MYLK3: variants seen among roughly 807,000 people sequenced by gnomAD.
MYLK3 encodes MLC kinase.
Under a neutral mutation model 76.3 loss-of-function variants are expected in MYLK3, and 55 were observed. The ratio of observed to expected loss-of-function variants is 0.72; its 90% CI spans 0.58 to 0.90. The LOEUF is 0.90. Among genes scored for constraint, MYLK3 ranks in the 40% least tolerant of loss-of-function variants. The pLI is 0.00. For missense variants in MYLK3, 973 were observed against 1,053.6 expected (o/e 0.92, Z 1.06); for synonymous variants, 416 against 425.4 (o/e 0.98, Z 0.27).
At chr16:46,713,237 AC>A (rs1225617127) in intron 9 of MYLK3, among the ~76,000 whole-genome samples, 1 of 141,376 alleles carries the variant, frequency 7.1e-6, no homozygotes, top group Non-Finnish European at 1.5e-5. Flanking sequence ...TCACTCTGTC[AC>A]CCAAGCTGGA....
intron 12 of MYLK3, 132 bp downstream of exon 12, chr16:46,709,407 G>T: frequency 9.8e-7 from 1 of 1,018,204 alleles, no homozygotes; most frequent in Non-Finnish European, 1.4e-6. Flanking sequence ...GGGCAACAGA[G>T]CAAGACCCTG....
rs1472570752 is a variant in MYLK3 at position 46,730,702 on chromosome 16, C to T, written c.1463-4G>A. 1 of 1,613,718 alleles carries T rather than the reference C, an allele frequency of 6.2e-7. No homozygotes were observed. The highest frequency in any genetic ancestry group is 8.5e-7 in the Non-Finnish European group (1 of 1,179,964). The stretch of plus-strand genomic sequence containing the variant: ...GCTGGTGGGGCCGGACTGTCATCTG[C>T]TCAGGAGGCAATAAGGACCTGTGAG... On this transcript the variant is annotated splice_polypyrimidine_tract_variant and splice_region_variant and intron_variant, in intron 4 of 12. Transcript: ENST00000394809.
At chr16:46,727,135 A>G (rs1392791929) in intron 8 of MYLK3, 101 bp downstream of exon 8, 3 of 1,333,866 alleles carry the variant, frequency 2.2e-6, no homozygotes, top group East Asian at 4.8e-5. Context: ...AGAGCCAGGA[A>G]TGGAAGCTGG....
At chr16:46,754,464 T>A (rs1967171378) in intron 1 of MYLK3, among the ~76,000 whole-genome samples, 1 of 152,078 alleles carries the variant, frequency 6.6e-6, no homozygotes, top group South Asian at 2.1e-4. Flanking sequence ...ATGAATAGGT[T>A]ATCATGGGAG....
chr16:46,738,491 T>C (rs905384197), intron 2 of MYLK3, among the ~76,000 whole-genome samples: 7 of 152,136 alleles, frequency 4.6e-5, no homozygotes, highest in African/African-American at 1.7e-4. Flanking sequence ...GCACAGTAGA[T>C]AGAGGCTGCA....
intron 3 of MYLK3, among the ~76,000 whole-genome samples, chr16:46,733,901 G>A (rs1966858000): frequency 6.6e-6 from 1 of 152,198 alleles, no homozygotes; most frequent in South Asian, 2.1e-4. Context: ...TTCAGGGACG[G>A]TGATACCTTA....
At chr16:46,757,295 G>A in intron 1 of MYLK3, 1 of 864,872 alleles carries the variant, frequency 1.2e-6, no homozygotes. Flanking sequence ...GCTTTCTGCT[G>A]ACTTTCTTGG....
chr16:46,751,135 G>T (rs1349021769), upstream of MYLK3, among the ~76,000 whole-genome samples: 2 of 150,306 alleles, frequency 1.3e-5, no homozygotes, highest in African/African-American at 4.9e-5. Context: ...CTGAGGCCGG[G>T]CGTGGTGGCT....
chr16:46,730,572 C>A (rs773556819), intron 5 of MYLK3, 21 bp downstream of exon 5: 55 of 1,606,604 alleles, frequency 3.4e-5, no homozygotes, highest in Non-Finnish European at 4.7e-5. Context: ...AGCCCCCCAA[C>A]CAAGGCAGAT....
At chr16:46,753,123 G>A (rs1047186027), upstream of MYLK3, among the ~76,000 whole-genome samples, 1 of 152,198 alleles carries the variant, frequency 6.6e-6, no homozygotes, top group Admixed American at 6.5e-5. Context: ...AGCCTCACTG[G>A]CCACAAAGGT....
intron 1 of MYLK3, among the ~76,000 whole-genome samples, chr16:46,745,300 A>G (rs1433345478): frequency 6.6e-6 from 1 of 152,226 alleles, no homozygotes; most frequent in Non-Finnish European, 1.5e-5. Flanking sequence ...ACAAACGAGG[A>G]TCTGGGCTGG....
rs140600416 is a variant in MYLK3, at chr16:46,732,217, C to T, written c.1453G>A (p.Val485Met). ...CAACAGCCCCACTTACCCAGAACCA[C>T]GCTGCCAGCCTCGGCGCCTGGGGGC... ...RMPPGAEAGS[V>M]VLDDSPAPPA... Residue 485 changes from valine (V) to methionine (M), a missense_variant, in exon 4 of 13, where the codon GTG (valine) becomes ATG (methionine). Around this residue, in one of 2 missense-constraint regions of MYLK3, gnomAD observed 641 missense variants for 637.0 expected, o/e 1.01. Coordinates refer to ENST00000394809, the MANE Select transcript of MYLK3 (RefSeq NM_182493.3). 4.7e-5 allele frequency: 74 copies of T among 1,582,878 alleles called. No individual in the cohort carries two copies. The African/African-American group carries it at 5.6e-4, about 12-fold the overall frequency.
chr16:46,756,970 G>A (rs1480108121), intron 1 of MYLK3, among the ~76,000 whole-genome samples: 2 of 152,100 alleles, frequency 1.3e-5, no homozygotes, highest in South Asian at 2.1e-4. Flanking sequence ...ACTTCATTGT[G>A]GGGTGAGGGG....
chr16:46,732,093 G>A (rs1966853548), intron 4 of MYLK3, 115 bp downstream of exon 4: 3 of 860,300 alleles, frequency 3.5e-6, no homozygotes, highest in Admixed American at 3.0e-5. Flanking sequence ...ACTCTTGGAC[G>A]CCCCCAGACT....
At chr16:46,743,812 C>T (rs1966973549) in intron 1 of MYLK3, among the ~76,000 whole-genome samples, 4 of 152,116 alleles carry the variant, frequency 2.6e-5, no homozygotes, top group Admixed American at 2.6e-4. Context: ...GCAGGCAGTT[C>T]ACAGAAAATA....
rs746021689 is a variant in MYLK3 at position 46,707,722 on chromosome 16, T to C, written c.2442A>G (p.Lys814=). The change falls in exon 13 of 13, where the codon AAA becomes AAG. Residue 814 remains lysine (K), a synonymous_variant. Coordinates refer to ENST00000394809, the MANE Select transcript of MYLK3 (RefSeq NM_182493.3). ...TTGAAGATTAGGGAGAAGTTGGAAA[T>C]TTCCTTAACCTGTTGGCAGCAGTCA... is the stretch of plus-strand genomic sequence containing the variant. The part of the protein sequence containing the change: ...YVVTAANRLR[K]FPTSP The C allele has an allele frequency of 7.4e-6, 12 of 1,612,998 alleles. No homozygotes were observed. The African/African-American group carries it at 1.5e-4, about 20-fold the overall frequency.
At chr16:46,740,266 G>A in intron 1 of MYLK3, 119 bp from the exon 2 acceptor site, 2 of 728,962 alleles carry the variant, frequency 2.7e-6, no homozygotes, top group Non-Finnish European at 4.8e-6. Context: ...ACTTCACACA[G>A]TCTCACAGTA....
At chr16:46,757,365 T>A (rs1168179300) in intron 1 of MYLK3, 16 of 985,212 alleles carry the variant, frequency 1.6e-5, no homozygotes, top group Non-Finnish European at 1.9e-5. Flanking sequence ...TCCCGTGCCC[T>A]ACCAATTGTT....
chr16:46,757,185 C>T (rs1165030603), intron 1 of MYLK3, among the ~76,000 whole-genome samples: 2 of 127,176 alleles, frequency 1.6e-5, no homozygotes, highest in Admixed American at 9.1e-5. Context: ...ATGCGGACAA[C>T]TTCAGGGGTA....
Sources: gnomAD v4.1 joint callset for allele counts (sites outside exome capture counted in the v4.1 genomes callset) on GRCh38, gnomAD v4.1.1 for gene constraint, gnomAD v4.1.1 regional missense constraint, MANE v1.5 for transcripts, NCBI Gene and HGNC (gene_info 2026-07-23, HGNC 2026-07-21) for gene names.